Variants in ENTPD1 observed in about 807,000 individuals in gnomAD.
The protein encoded by ENTPD1 is ATP diphosphohydrolase.
Under a neutral mutation model 57.0 loss-of-function variants are expected in ENTPD1, and 33 were observed. The observed-to-expected ratio is 0.58, with a 90% CI of 0.44 to 0.77. ENTPD1 has a LOEUF of 0.77. ENTPD1 is among the 30% of genes least tolerant of loss of function. ENTPD1 has a pLI of 0.00. For synonymous variants in ENTPD1, 202 were observed against 218.8 expected (o/e 0.92, Z 0.68); for missense variants, 501 against 603.4 (o/e 0.83, Z 1.78).
At chr10:95,839,453 C>T in intron 2 of ENTPD1, 1 of 539,666 alleles carries the variant, frequency 1.9e-6, no homozygotes, top group Non-Finnish European at 3.3e-6. Flanking sequence ...CTTCTTGGGC[C>T]CTGTTCTGCA....
At chr10:95,860,653 T>A in intron 8 of ENTPD1, 71 bp downstream of exon 8, 1 of 1,359,652 alleles carries the variant, frequency 7.4e-7, no homozygotes, top group South Asian at 1.2e-5. Flanking sequence ...AGGATGTGAG[T>A]CTGCTCTGAA....
chr10:95,864,765 T>TA lies in ENTPD1; in HGVS notation c.1230_1231insA (p.Glu411ArgfsTer22). 6.2e-7 allele frequency: 1 copy of TA among 1,614,058 alleles called. No homozygotes were observed. Among genetic ancestry groups the TA allele is most frequent in the Non-Finnish European group, 8.5e-7 (1 of 1,180,002 alleles). ...CTGGAGTAAAGGAGAAGTACCTGAGTGAATACTGCTTTTCTGGTACCTACA... is the reference window on the plus strand; with the variant it reads ...CTGGAGTAAAGGAGAAGTACCTGAGTAGAATACTGCTTTTCTGGTACCTACA... On this transcript the variant is annotated frameshift_variant, in exon 9 of 10. Transcript: ENST00000371205. LOFTEE classifies it high-confidence loss of function.
In ENTPD1 at chr10:95,866,415, A is replaced by T; in HGVS notation, c.*32A>T. The T allele has an allele frequency of 6.2e-7, 1 of 1,613,466 alleles. No homozygotes were observed. The highest frequency in any genetic ancestry group is 8.5e-7 in the Non-Finnish European group (1 of 1,179,758). ...CAGCTGAAATATGCTGGCTGGAGTG[A>T]GGAAAAAAATCGTCCAGGGAGCATT... On this transcript the variant is annotated 3_prime_UTR_variant, in exon 10 of 10. Coordinates refer to ENST00000371205, the MANE Select transcript of ENTPD1 (RefSeq NM_001776.6).
chr10:95,826,266 C>CATAG (rs1291541599), intron 2 of ENTPD1, among the ~76,000 whole-genome samples: 1 of 151,912 alleles, frequency 6.6e-6, no homozygotes, highest in African/African-American at 2.4e-5. Context: ...CTGGGAAAGA[C>CATAG]ATAGGTAAAG....
intron 1 of ENTPD1, among the ~76,000 whole-genome samples, chr10:95,805,765 G>C (rs2098269505): frequency 1.3e-5 from 2 of 152,176 alleles, no homozygotes; most frequent in South Asian, 4.1e-4. Context: ...AGTTTGGCTG[G>C]ATAGGAAATT....
In ENTPD1 at chr10:95,869,698, TTTA is replaced by T. The variant is rs2098478401; in HGVS notation, c.*3316_*3318del. 22 of 955,016 alleles carry T rather than the reference TTTA, an allele frequency of 2.3e-5. No homozygotes were observed. Among genetic ancestry groups the T allele is most frequent in the Non-Finnish European group, 2.5e-5 (20 of 802,386 alleles). 59.2% of individuals were successfully genotyped at this position (955,016 alleles called of 1,614,324 possible). On this transcript the variant is annotated 3_prime_UTR_variant, in exon 10 of 10. Transcript: ENST00000371205. ...AAAATTTTTTAAAATTACACTTCATTTTAATGTTGTATCAGTCAAGGTCCCTGC... is the reference window on the plus strand; with the variant it reads ...AAAATTTTTTAAAATTACACTTCATTATGTTGTATCAGTCAAGGTCCCTGC...
chr10:95,749,681 C>T (rs2098009767), intron 1 of ENTPD1, among the ~76,000 whole-genome samples: 1 of 152,150 alleles, frequency 6.6e-6, no homozygotes, highest in South Asian at 2.1e-4. Context: ...GCAGAAAGAA[C>T]AGCATATGCA....
chr10:95,758,120 C>T (rs1166016046), intron 1 of ENTPD1, among the ~76,000 whole-genome samples: 1 of 151,930 alleles, frequency 6.6e-6, no homozygotes, highest in African/African-American at 2.4e-5. Context: ...TGTCCCCACC[C>T]CAAGCTGCGC....
At chr10:95,763,518 T>TAAA (rs2098075563) in intron 1 of ENTPD1, among the ~76,000 whole-genome samples, 1 of 152,260 alleles carries the variant, frequency 6.6e-6, no homozygotes. Context: ...TGTATGTTTT[T>TAAA]AGGATATAAA....
chr10:95,697,804 C>T, the ENTPD1 span, among the ~76,000 whole-genome samples: 134 of 152,186 alleles, frequency 8.8e-4, 1 homozygote, highest in African/African-American at 3.0e-3. Context: ...TATCCTGTTT[C>T]AGGCATTCTG....
At chr10:95,782,440 A>G (rs966618830) in intron 1 of ENTPD1, among the ~76,000 whole-genome samples, 4 of 152,194 alleles carry the variant, frequency 2.6e-5, no homozygotes, top group Non-Finnish European at 4.4e-5. Flanking sequence ...CATATAAGGA[A>G]CATGTGTCAA....
chr10:95,777,693 TAGAC>T (rs1255361061), intron 1 of ENTPD1, among the ~76,000 whole-genome samples: 2 of 152,226 alleles, frequency 1.3e-5, no homozygotes, highest in Admixed American at 6.5e-5. Context: ...TCAGAGCTGT[TAGAC>T]AGGGACGTTT....
At chr10:95,823,416 G>A (rs760015041) in intron 2 of ENTPD1, 52 bp downstream of exon 2, 1 of 1,611,172 alleles carries the variant, frequency 6.2e-7, no homozygotes, top group African/African-American at 1.3e-5. Flanking sequence ...AGATCTGGGT[G>A]GGACAGGGGG....
intron 1 of ENTPD1, among the ~76,000 whole-genome samples, chr10:95,771,446 T>A (rs2140099821): frequency 6.6e-6 from 1 of 152,312 alleles, no homozygotes; most frequent in Admixed American, 6.5e-5. Context: ...ATAGAAACAT[T>A]GAAGTCCTGA....
chr10:95,706,647 TCTCTGTCCTCTGCATC>T, the ENTPD1 span, among the ~76,000 whole-genome samples: 1 of 152,218 alleles, frequency 6.6e-6, no homozygotes, highest in African/African-American at 2.4e-5. Context: ...TGTCCCCTCA[TCTCTGTCCTCTGCATC>T]CTCTGTCCTG....
chr10:95,845,468 A>C lies in ENTPD1; in HGVS notation c.685A>C (p.Thr229Pro). 6.2e-7 allele frequency: 1 copy of C among 1,614,174 alleles called. No homozygotes were observed. The highest frequency in any genetic ancestry group is 8.5e-7 in the Non-Finnish European group (1 of 1,180,032). Reference sequence around the variant, plus strand: ...AGTCACTTTTGTACCCCAAAACCAGACTATCGAGTCCCCAGATAATGCTCT... The same window carrying C: ...AGTCACTTTTGTACCCCAAAACCAGCCTATCGAGTCCCCAGATAATGCTCT... ...TQVTFVPQNQTIESPDNALQF... is the reference protein window; with the variant it reads ...TQVTFVPQNQPIESPDNALQF... The change falls in exon 6 of 10, where the codon ACT (threonine) becomes CCT (proline). Residue 229 changes from threonine (T) to proline (P), a missense_variant. Physicochemically the swap from Thr to Pro is conservative, Grantham distance 38. Coordinates refer to ENST00000371205, the MANE Select transcript of ENTPD1 (RefSeq NM_001776.6).
At chr10:95,740,075 C>T (rs1419399733) in intron 1 of ENTPD1, among the ~76,000 whole-genome samples, 1 of 152,174 alleles carries the variant, frequency 6.6e-6, no homozygotes, top group Non-Finnish European at 1.5e-5. Context: ...AACAGATTTA[C>T]AGTCATCCAG....
rs2098480804 is a variant in ENTPD1 at position 95,871,833 on chromosome 10, G to A, written c.*5450G>A. 2 of 985,364 alleles carry A rather than the reference G, an allele frequency of 2.0e-6. No homozygotes were observed. The highest frequency in any genetic ancestry group is 2.4e-6 in the Non-Finnish European group (2 of 829,908). 61.0% of individuals were successfully genotyped at this position (985,364 alleles called of 1,614,324 possible). A position where few individuals can be genotyped will look rare whatever the true frequency, so the allele number is the denominator to read the frequency against. On this transcript the variant is annotated 3_prime_UTR_variant, in exon 10 of 10. Coordinates refer to ENST00000371205, the MANE Select transcript of ENTPD1 (RefSeq NM_001776.6). The stretch of plus-strand genomic sequence containing the variant: ...ATCAGAGAACATGTATTAGTCAATG[G>A]TAAGTAAGATACTCTCATCTAAGAA...
At chr10:95,722,952 C>T (rs142393920) in intron 1 of ENTPD1, among the ~76,000 whole-genome samples, 3,325 of 152,326 alleles carry the variant, frequency 0.022, 45 homozygotes, top group Middle Eastern at 0.031. Context: ...ATGAGGTGTG[C>T]TCACAATGAG....
Sources: allele counts gnomAD v4.1 joint callset (sites outside exome capture counted in the v4.1 genomes callset), GRCh38; gene constraint gnomAD v4.1.1; transcripts MANE v1.5; gene names NCBI Gene and HGNC (gene_info 2026-07-23, HGNC 2026-07-21).